The following CFAP251 variants were observed in gnomAD, a reference collection of about 807,000 sequenced individuals.
CFAP251 encodes the protein cilia and flagella associated protein 251, also known as cilia- and flagella-associated protein 251.
In CFAP251, 93 loss-of-function variants were observed where a neutral mutation model predicts 126.7. The ratio of observed to expected loss-of-function variants is 0.73; its 90% CI spans 0.62 to 0.87. The LOEUF is 0.87. Ranked by LOEUF, CFAP251 falls within the 40% of genes least tolerant of loss-of-function variation. CFAP251 has a pLI of 0.00. For synonymous variants in CFAP251, 503 were observed against 506.9 expected (o/e 0.99, Z 0.10); for missense variants, 1,287 against 1,389.2 (o/e 0.93, Z 1.17).
At chr12:121,935,497 C>T (rs925534354) in intron 5 of CFAP251, among the ~76,000 whole-genome samples, 3 of 152,206 alleles carry the variant, frequency 2.0e-5, no homozygotes, top group African/African-American at 7.2e-5. Flanking sequence ...GCTGTGATGG[C>T]TCCTTAGGCT....
chr12:121,925,959 C>T (rs1880392275), intron 3 of CFAP251, among the ~76,000 whole-genome samples: 1 of 151,980 alleles, frequency 6.6e-6, no homozygotes, highest in African/African-American at 2.4e-5. Context: ...ATTCTCCTGC[C>T]TCAGCCTCCC....
At chr12:121,969,247 G>A (rs568224085) in intron 17 of CFAP251, 11 of 985,388 alleles carry the variant, frequency 1.1e-5, no homozygotes, top group Admixed American at 1.2e-4. Context: ...AAAATAGCCG[G>A]TTAAATCTGC....
At chr12:122,002,304 G>T (rs1001351360) in intron 21 of CFAP251, among the ~76,000 whole-genome samples, 1 of 151,680 alleles carries the variant, frequency 6.6e-6, no homozygotes, top group Admixed American at 6.6e-5. Context: ...GCAGTGAGCC[G>T]AGATCACACC....
At position 121,977,789 on chromosome 12, in the gene CFAP251, A is replaced by AC. The variant is rs1283993034; in HGVS notation, c.3006+2104_3006+2105insC. Among the ~76,000 whole-genome samples, 5 of 148,164 alleles carry AC rather than the reference A, an allele frequency of 3.4e-5. No homozygotes were observed. The East Asian group carries it at 6.1e-4, about 18-fold the overall frequency. ...GCTAACACGGTGAAACCCCATCTCT[A>AC]TGAAAAATACAAAAAAAAAATTAGC... On this transcript the variant is annotated intron_variant, in intron 19 of 21. Coordinates refer to ENST00000288912, the MANE Select transcript of CFAP251 (RefSeq NM_144668.6).
At chr12:121,984,922 AGAC>A (rs1264534106) in intron 19 of CFAP251, among the ~76,000 whole-genome samples, 1 of 152,220 alleles carries the variant, frequency 6.6e-6, no homozygotes, top group Non-Finnish European at 1.5e-5. Context: ...AATCCTGTAG[AGAC>A]GTATGTGCCC....
At position 121,958,931 on chromosome 12, in the gene CFAP251, T is replaced by C. The variant is rs1295260660; in HGVS notation, c.1982-12T>C. The C allele has an allele frequency of 6.3e-7, 1 of 1,575,164 alleles. No individual in the cohort carries two copies. Among genetic ancestry groups the C allele is most frequent in the Admixed American group, 2.0e-5 (1 of 49,776 alleles). On this transcript the variant is annotated splice_polypyrimidine_tract_variant and intron_variant, in intron 12 of 21. Transcript: ENST00000288912. ...TAATCCTTTTCCATCGTTCTCTGGC[T>C]TGTCATTTCAGGAGCCCTTCTTGGA...
Position 121,975,583 on chromosome 12 carries a change from A to G in CFAP251, c.2904A>G (p.Gln968=). The change falls in exon 19 of 22, where the codon CAA becomes CAG. Residue 968 remains glutamine (Q), a synonymous_variant. Coordinates refer to ENST00000288912, the MANE Select transcript of CFAP251 (RefSeq NM_144668.6). ...TCTACTATTCTCAGCTCCGCAGTCAAGGCATCGACACAATGGAGACCAGAA... is the reference window on the plus strand; with the variant it reads ...TCTACTATTCTCAGCTCCGCAGTCAGGGCATCGACACAATGGAGACCAGAA... ...DYFYYSQLRS[Q]GIDTMETRKV... is the part of the protein sequence containing the mutation. 6.2e-7 allele frequency: 1 copy of G among 1,606,694 alleles called. No individual in the cohort carries two copies. The highest frequency in any genetic ancestry group is 8.5e-7 in the Non-Finnish European group (1 of 1,178,248).
chr12:121,991,299 C>G (rs1882869350), intron 19 of CFAP251, among the ~76,000 whole-genome samples: 1 of 152,196 alleles, frequency 6.6e-6, no homozygotes, highest in African/African-American at 2.4e-5. Context: ...ATGGGGAAAA[C>G]AGATGTGAGC....
intron 17 of CFAP251, chr12:121,971,624 C>T: frequency 2.8e-6 from 2 of 702,842 alleles, no homozygotes; most frequent in Non-Finnish European, 5.2e-6. Context: ...TCCAAGGGGT[C>T]TGATGACTGC....
Position 121,955,033 on chromosome 12 carries a change from T to G in CFAP251, c.1535+699T>G, listed in dbSNP as rs1228098213. Among the ~76,000 whole-genome samples the G allele has an allele frequency of 3.3e-5, 5 of 152,194 alleles. No homozygotes were observed. In the East Asian group the frequency reaches 7.7e-4, roughly 23 times the overall value. On this transcript the variant is annotated intron_variant, in intron 10 of 21. Coordinates refer to ENST00000288912, the MANE Select transcript of CFAP251 (RefSeq NM_144668.6). ...AGATAACATTTACAGCTGGGAGCGG[T>G]GGCTCACGCCTGTAATCCCAGCATT...
intron 1 of CFAP251, among the ~76,000 whole-genome samples, chr12:121,919,956 C>A (rs544139736): frequency 2.6e-5 from 4 of 151,922 alleles, no homozygotes. Context: ...CCAAGGCGGG[C>A]GGATCACTTG....
rs79133591 is a variant in CFAP251, at chr12:121,992,800, C to T, written c.3007-6916C>T. ...TTCACAGCCCAGGCTGTCTCAAGCT[C>T]CTAAAACGATCTACCCACTCCAGCC... On this transcript the variant is annotated intron_variant, in intron 19 of 21. Transcript: ENST00000288912. Among the ~76,000 whole-genome samples the T allele has an allele frequency of 1.3e-3, 191 of 152,220 alleles. 5 individuals are homozygous for T. In the East Asian group the frequency reaches 0.035, roughly 28 times the overall value.
Position 121,974,326 on chromosome 12 carries a change from T to C in CFAP251, c.2772-918T>C, listed in dbSNP as rs1337090333. ...TGTAAATTGCCCAGTCTCGGGTATG[T>C]TTTTATCAGCAGCATGAAAACAGAC... On this transcript the variant is annotated intron_variant, in intron 17 of 21. Transcript: ENST00000288912. The surrounding 1 kb of genome is among the most constrained non-coding windows in gnomAD (Gnocchi z 4.6). Among the ~76,000 whole-genome samples, 1 of 152,180 alleles carries C rather than the reference T, an allele frequency of 6.6e-6. No homozygotes were observed. The highest frequency in any genetic ancestry group is 1.5e-5 in the Non-Finnish European group (1 of 68,024).
chr12:121,941,646 A>G (rs911697363), intron 5 of CFAP251, among the ~76,000 whole-genome samples: 1 of 152,080 alleles, frequency 6.6e-6, no homozygotes, highest in Non-Finnish European at 1.5e-5. Context: ...GTTTCTTATC[A>G]TATGGTTATG....
chr12:121,919,143 A>ATTAT (rs1555215102), intron 1 of CFAP251, among the ~76,000 whole-genome samples: 38,356 of 146,336 alleles, frequency 0.26, 6,473 homozygotes, highest in Non-Finnish European at 0.39. Context: ...TATTATTATT[A>ATTAT]TTTTTTTTTT....
chr12:121,949,924 C>T (rs1222367872), intron 8 of CFAP251: 1 of 152,052 alleles, frequency 6.6e-6, no homozygotes, highest in African/African-American at 2.4e-5. Context: ...AAACAAAAAA[C>T]GTTTCAAGTT....
intron 7 of CFAP251, among the ~76,000 whole-genome samples, chr12:121,946,659 A>G (rs1881337500): frequency 6.6e-6 from 1 of 152,050 alleles, no homozygotes; most frequent in Admixed American, 6.6e-5. Context: ...GTGCAGTGGC[A>G]CAGTCACTGC....
intron 1 of CFAP251, among the ~76,000 whole-genome samples, chr12:121,919,144 T>TTA (rs370472796): frequency 0.25 from 5,602 of 22,474 alleles, 132 homozygotes; most frequent in Middle Eastern, 0.44. Context: ...ATTATTATTA[T>TTA]TTTTTTTTTA....
chr12:121,992,183 G>A (rs1467157994), intron 19 of CFAP251: 1 of 984,908 alleles, frequency 1.0e-6, no homozygotes, highest in African/African-American at 1.7e-5. Flanking sequence ...ATCTTCACAC[G>A]GGGGCGTTCA....
Sources: gnomAD v4.1 joint callset for allele counts (sites outside exome capture counted in the v4.1 genomes callset) on GRCh38, gnomAD v4.1.1 for gene constraint, Gnocchi (gnomAD v3.1) non-coding constraint, MANE v1.5 for transcripts, NCBI Gene and HGNC (gene_info 2026-07-23, HGNC 2026-07-21) for gene names.